ARHGAP40: variants seen among roughly 807,000 people sequenced by gnomAD.
ARHGAP40 encodes rho GTPase-activating protein 40.
Under a neutral mutation model 73.5 loss-of-function variants are expected in ARHGAP40, and 43 were observed. The ratio of observed to expected loss-of-function variants is 0.58; its 90% confidence interval spans 0.46 to 0.75. The LOEUF (loss-of-function observed/expected upper bound fraction) is 0.75. Ranked by LOEUF, ARHGAP40 falls within the 30% of genes least tolerant of loss-of-function variation. The pLI is 0.00. For missense variants in ARHGAP40, 734 were observed against 861.8 expected, an observed-to-expected ratio of 0.85 and a Z score of 1.86; for synonymous variants, 300 against 352.8, an observed-to-expected ratio of 0.85 and a Z score of 1.68.
rs1381598544 is a variant in ARHGAP40, at chr20:38,637,649, C to T, written c.950-59C>T. The stretch of plus-strand genomic sequence containing the variant: ...TAGTTGCCCAGGAGATCCTGTAGGT[C>T]GGAGCCCAGTGATCATTCCAAGAAG... On this transcript the variant is annotated intron_variant, in intron 6 of 14. Coordinates refer to ENST00000373345, the Ensembl canonical transcript of ARHGAP40. 1.1e-5 allele frequency: 14 copies of T among 1,238,006 alleles called. No homozygotes were observed. The Admixed American group carries it at 1.4e-4, about 12-fold the overall frequency. The allele number at this position is 1,238,006 out of a possible 1,614,324, so 76.7% of individuals were successfully genotyped here.
rs1601147796 is a variant in ARHGAP40 at position 38,638,648 on chromosome 20, A to G, written c.1042-113A>G. 4.3e-6 allele frequency: 3 copies of G among 702,048 alleles called. No individual in the cohort carries two copies. The East Asian group carries it at 2.0e-4, about 47-fold the overall frequency. The allele number at this position is 702,048 out of a possible 1,614,324, so 43.5% of individuals were successfully genotyped here. On this transcript the variant is annotated intron_variant, in intron 7 of 14. Transcript: ENST00000373345. ...CAAAAACTAATATTATTCCGAAGGA[A>G]ACCCTTCTCCTGGTACTCCCCTCTT...
intron 5 of ARHGAP40, among the ~76,000 whole-genome samples, chr20:38,630,714 T>C (rs2088933105): frequency 6.6e-6 from 1 of 152,122 alleles, no homozygotes; most frequent in Non-Finnish European, 1.5e-5. Flanking sequence ...CCTTGCTTGA[T>C]GGCTTGTAAT....
At chr20:38,645,074 CACTCCAA>C (rs1179235291) in intron 11 of ARHGAP40, among the ~76,000 whole-genome samples, 1 of 152,206 alleles carries the variant, frequency 6.6e-6, no homozygotes, top group African/African-American at 2.4e-5. Context: ...CGCCAGCTGG[CACTCCAA>C]ACTCATCTAG....
In ARHGAP40 at chr20:38,640,151, CTCT is replaced by C. The variant is rs1349455897; in HGVS notation, c.1279+770_1279+772del. Among the ~76,000 whole-genome samples the C allele has an allele frequency of 6.6e-5, 9 of 136,860 alleles. No homozygotes were observed. In the East Asian group the frequency reaches 1.6e-3, roughly 24 times the overall value. 89.8% of individuals were successfully genotyped at this position (136,860 alleles called of 152,430 possible). On this transcript the variant is annotated intron_variant, in intron 9 of 14. Coordinates refer to ENST00000373345, the Ensembl canonical transcript of ARHGAP40. ...TCTTCTTTCTTCTTCTTTCTTCTTC[CTCT>C]TCTTTCTTCTTTCTTCTTCTTTCTT... is the stretch of plus-strand genomic sequence containing the variant.
At chr20:38,616,533 T>G (rs143159676) in intron 1 of ARHGAP40, among the ~76,000 whole-genome samples, 2 of 152,290 alleles carry the variant, frequency 1.3e-5, no homozygotes, top group Non-Finnish European at 2.9e-5. Context: ...GAAAGACCGT[T>G]GTACAAGCGG....
intron 5 of ARHGAP40, among the ~76,000 whole-genome samples, chr20:38,630,687 A>C (rs2088932920): frequency 6.6e-6 from 1 of 152,176 alleles, no homozygotes; most frequent in Non-Finnish European, 1.5e-5. Context: ...CCAACAAATG[A>C]GTACAGAAAC....
intron 13 of ARHGAP40, among the ~76,000 whole-genome samples, chr20:38,648,228 T>C (rs968925254): frequency 6.6e-6 from 1 of 152,248 alleles, no homozygotes; most frequent in African/African-American, 2.4e-5. Context: ...ATATAATAAT[T>C]GTGATTCTTA....
At chr20:38,615,272 A>G (rs2088828511) in intron 1 of ARHGAP40, 3 of 769,044 alleles carry the variant, frequency 3.9e-6, no homozygotes, top group Non-Finnish European at 7.2e-6. Context: ...CAACTTTTCT[A>G]TGTTCATCCA....
At chr20:38,629,055 G>T (rs1304686710) in intron 4 of ARHGAP40, 53 bp downstream of exon 4, 92 of 1,246,188 alleles carry the variant, frequency 7.4e-5, no homozygotes, top group Non-Finnish European at 9.5e-5. Flanking sequence ...CTGCATAAAG[G>T]GCTGCTCTGT....
intron 1 of ARHGAP40, among the ~76,000 whole-genome samples, chr20:38,602,618 A>C (rs1327702661): frequency 6.6e-6 from 1 of 152,240 alleles, no homozygotes; most frequent in South Asian, 2.1e-4. Context: ...AAAGTCAAAC[A>C]GTGCAGGAAT....
chr20:38,643,896 G>A (rs2089035484), exon 11 of ARHGAP40: 1 of 1,302,800 alleles, frequency 7.7e-7, no homozygotes, highest in Admixed American at 2.3e-5. Flanking sequence ...GCACTACCAG[G>A]ATCTGCTGTG....
In ARHGAP40 at chr20:38,614,310, C is replaced by T. The variant is rs151185478; in HGVS notation, c.138-9049C>T. ...TGACTGTGCACCCACGATTCCCTGG[C>T]GTACCCATACACACATGGCTGTGCC... On this transcript the variant is annotated intron_variant, in intron 1 of 14. Transcript: ENST00000373345. Among the ~76,000 whole-genome samples, 5 of 152,334 alleles carry T rather than the reference C, an allele frequency of 3.3e-5. No individual in the cohort carries two copies. The East Asian group carries it at 5.8e-4, about 18-fold the overall frequency.
At chr20:38,609,398 T>G (rs1244135526) in intron 1 of ARHGAP40, among the ~76,000 whole-genome samples, 1 of 152,224 alleles carries the variant, frequency 6.6e-6, no homozygotes, top group Non-Finnish European at 1.5e-5. Flanking sequence ...CAACTGATGC[T>G]GATACTGAAG....
chr20:38,637,303 A>G (rs1392311241), intron 6 of ARHGAP40, among the ~76,000 whole-genome samples: 1 of 151,754 alleles, frequency 6.6e-6, no homozygotes, highest in Non-Finnish European at 1.5e-5. Flanking sequence ...CCGCTACCAC[A>G]CTCAGCTAAT....
chr20:38,627,110 G>A (rs954051461), exon 3 of ARHGAP40: 11 of 1,305,444 alleles, frequency 8.4e-6, no homozygotes, highest in Non-Finnish European at 1.0e-5. Context: ...AGACCCAGGT[G>A]GCCGCTGTGT....
intron 5 of ARHGAP40, among the ~76,000 whole-genome samples, chr20:38,631,321 A>G (rs1051742530): frequency 3.3e-5 from 5 of 151,870 alleles, no homozygotes; most frequent in South Asian, 2.1e-4. Flanking sequence ...AAAAAAAAAA[A>G]AAAAGAGAAG....
At chr20:38,607,177 A>C (rs2088775529) in intron 1 of ARHGAP40, among the ~76,000 whole-genome samples, 1 of 152,182 alleles carries the variant, frequency 6.6e-6, no homozygotes, top group Non-Finnish European at 1.5e-5. Context: ...TTCATGGGAC[A>C]AGTACATTCG....
chr20:38,635,006 C>G (rs1257112101), intron 6 of ARHGAP40, among the ~76,000 whole-genome samples: 1 of 152,150 alleles, frequency 6.6e-6, no homozygotes, highest in South Asian at 2.1e-4. Context: ...CTCAGCCACC[C>G]GAGTAGCTGA....
chr20:38,617,375 C>T (rs542332544), intron 1 of ARHGAP40, among the ~76,000 whole-genome samples: 147 of 152,312 alleles, frequency 9.7e-4, no homozygotes, highest in Non-Finnish European at 1.6e-3. Flanking sequence ...ATATTATTCT[C>T]ACTGCCTGCT....
Sources: gnomAD v4.1 joint callset for allele counts (sites outside exome capture counted in the v4.1 genomes callset) on GRCh38, gnomAD v4.1.1 for gene constraint, MANE v1.5 for transcripts, NCBI Gene and HGNC (gene_info 2026-07-23, HGNC 2026-07-21) for gene names.